The following MAGI2 variants were observed in gnomAD, a reference collection of about 807,000 sequenced individuals.
The protein encoded by MAGI2 is membrane-associated guanylate kinase, WW and PDZ domain-containing protein 2.
A neutral mutation model predicts 133.3 loss-of-function variants in MAGI2; 35 were observed. That is an observed-to-expected ratio of 0.26 (90% CI 0.20 to 0.35). The LOEUF is 0.35. Among genes scored for constraint, MAGI2 ranks in the 10% least tolerant of loss-of-function variants. The pLI is 1.00. For synonymous variants in MAGI2, 729 were observed against 710.6 expected, an observed-to-expected ratio of 1.03 and a Z score of -0.41; for missense variants, 1,636 against 1,863.4, an observed-to-expected ratio of 0.88 and a Z score of 2.25.
At position 79,199,565 on chromosome 7, in the gene MAGI2, T is replaced by C. The variant is rs555581392; in HGVS notation, c.302-192359A>G. Among the ~76,000 whole-genome samples the C allele has an allele frequency of 2.6e-5, 4 of 152,172 alleles. No individual in the cohort carries two copies. In the South Asian group the frequency reaches 8.3e-4, roughly 32 times the overall value. The stretch of plus-strand genomic sequence containing the variant: ...TAGAGATTTTCTAAAAGCACGTTTC[T>C]TAACCTACGTGCAAAAATCATTCCT... On this transcript the variant is annotated intron_variant, in intron 1 of 21. Coordinates refer to ENST00000354212, the MANE Select transcript of MAGI2 (RefSeq NM_012301.4).
intron 2 of MAGI2, among the ~76,000 whole-genome samples, chr7:78,969,224 G>A (rs924305079): frequency 2.0e-5 from 3 of 150,894 alleles, no homozygotes; most frequent in Admixed American, 6.6e-5. Flanking sequence ...AGGAGGGCCA[G>A]TCTTTTCTCG....
chr7:78,165,565 GACCTTGCTTCTTCCTAGCCCTTTTCCCA>G (rs1825541411), intron 15 of MAGI2, among the ~76,000 whole-genome samples: 1 of 152,110 alleles, frequency 6.6e-6, no homozygotes, highest in African/African-American at 2.4e-5. Flanking sequence ...TCATCCCTAT[GACCTTGCTTCTTCCTAGCCCTTTTCCCA>G]CACACAGCAC....
At chr7:78,432,698 C>T (rs1799915325) in intron 6 of MAGI2, among the ~76,000 whole-genome samples, 1 of 151,696 alleles carries the variant, frequency 6.6e-6, no homozygotes, top group Non-Finnish European at 1.5e-5. Context: ...AGATTTATTC[C>T]AATTGTTTCT....
chr7:79,293,265 C>G (rs1836645392), intron 1 of MAGI2, among the ~76,000 whole-genome samples: 1 of 152,096 alleles, frequency 6.6e-6, no homozygotes, highest in Non-Finnish European at 1.5e-5. Flanking sequence ...TCTAGTGTTA[C>G]AAAAAATGAA....
chr7:78,190,624 T>C (rs551598293), intron 12 of MAGI2, among the ~76,000 whole-genome samples: 2 of 152,114 alleles, frequency 1.3e-5, no homozygotes, highest in South Asian at 4.2e-4. Flanking sequence ...AGATTTCCTA[T>C]CAAATCAGAA....
chr7:78,329,840 T>C (rs1412114457), intron 9 of MAGI2, among the ~76,000 whole-genome samples: 1 of 152,202 alleles, frequency 6.6e-6, no homozygotes, highest in Non-Finnish European at 1.5e-5. Flanking sequence ...AGATAATGCA[T>C]ACAGAAGAGG....
chr7:79,085,477 T>A (rs1290554529), intron 1 of MAGI2, among the ~76,000 whole-genome samples: 3 of 151,906 alleles, frequency 2.0e-5, no homozygotes, highest in Non-Finnish European at 4.4e-5. Context: ...AAGTCCAATA[T>A]CTGTGCTTCA....
intron 1 of MAGI2, among the ~76,000 whole-genome samples, chr7:79,028,231 GTATGTATATA>G (rs1562804854): frequency 2.7e-3 from 84 of 30,864 alleles, no homozygotes; most frequent in African/African-American, 7.6e-3. Flanking sequence ...ATATATATAT[GTATGTATATA>G]TATATATATA....
At chr7:79,074,308 C>T (rs932133567) in intron 1 of MAGI2, among the ~76,000 whole-genome samples, 10 of 152,130 alleles carry the variant, frequency 6.6e-5, no homozygotes, top group African/African-American at 1.4e-4. Context: ...TTATAATAAA[C>T]ATAATATTCT....
intron 2 of MAGI2, among the ~76,000 whole-genome samples, chr7:78,786,256 T>A (rs1483722521): frequency 6.6e-6 from 1 of 152,122 alleles, no homozygotes; most frequent in Non-Finnish European, 1.5e-5. Flanking sequence ...CCCTTTTCAC[T>A]ACTCCCACAC....
chr7:78,200,366 G>A (rs900131607), intron 11 of MAGI2, among the ~76,000 whole-genome samples: 1 of 152,184 alleles, frequency 6.6e-6, no homozygotes, highest in African/African-American at 2.4e-5. Context: ...AACTTGGCTA[G>A]CCTAGCTCTG....
At chr7:78,877,929 C>T (rs1488668505) in intron 2 of MAGI2, among the ~76,000 whole-genome samples, 1 of 152,102 alleles carries the variant, frequency 6.6e-6, no homozygotes, top group Admixed American at 6.5e-5. Context: ...AGACACTGAA[C>T]ATTTAGCACC....
chr7:78,201,249 G>A, intron 10 of MAGI2, 56 bp from the exon 11 acceptor site: 22 of 812,860 alleles, frequency 2.7e-5, no homozygotes, highest in Non-Finnish European at 3.4e-5. Flanking sequence ...TGCCACTTAT[G>A]GGTGGCACGA....
intron 2 of MAGI2, among the ~76,000 whole-genome samples, chr7:78,991,862 C>T (rs1285734235): frequency 1.3e-5 from 2 of 152,008 alleles, no homozygotes; most frequent in Non-Finnish European, 2.9e-5. Flanking sequence ...ACTAAGTTTT[C>T]CACTACAGGG....
intron 1 of MAGI2, among the ~76,000 whole-genome samples, chr7:79,214,432 TATATATATATAA>T (rs1378468824): frequency 3.9e-5 from 5 of 127,940 alleles, no homozygotes; most frequent in African/African-American, 5.9e-5. Flanking sequence ...TATATATATA[TATATATATATAA>T]ATATGCACAC....
intron 10 of MAGI2, among the ~76,000 whole-genome samples, chr7:78,218,925 T>A (rs754918692): frequency 2.6e-5 from 4 of 152,172 alleles, no homozygotes; most frequent in Non-Finnish European, 5.9e-5. Context: ...AACCTGGTGC[T>A]TCATCATAGC....
chr7:79,277,774 C>T (rs1835341585), intron 1 of MAGI2, among the ~76,000 whole-genome samples: 1 of 152,120 alleles, frequency 6.6e-6, no homozygotes, highest in Admixed American at 6.6e-5. Context: ...AGATGTAACT[C>T]CTTTCTCTGT....
intron 1 of MAGI2, among the ~76,000 whole-genome samples, chr7:79,103,761 G>T (rs1002783516): frequency 6.6e-6 from 1 of 151,850 alleles, no homozygotes; most frequent in Non-Finnish European, 1.5e-5. Flanking sequence ...GTGCAGTGGC[G>T]CAATCTTGGC....
At chr7:79,310,945 C>T (rs1325693576) in intron 1 of MAGI2, among the ~76,000 whole-genome samples, 1 of 96,704 alleles carries the variant, frequency 1.0e-5, no homozygotes, top group Non-Finnish European at 2.6e-5. Context: ...AACACACACA[C>T]ATGCACACAC....
Sources: gnomAD v4.1 joint callset for allele counts (sites outside exome capture counted in the v4.1 genomes callset) on GRCh38, gnomAD v4.1.1 for gene constraint, MANE v1.5 for transcripts, NCBI Gene and HGNC (gene_info 2026-07-23, HGNC 2026-07-21) for gene names.